Variants in ATG7 observed in about 807,000 individuals in gnomAD.
ATG7 encodes ubiquitin-like modifier-activating enzyme ATG7.
In ATG7, 70 loss-of-function variants were observed where a neutral mutation model predicts 82.4. That is an observed-to-expected ratio of 0.85 (90% CI 0.70 to 1.04). The LOEUF is 1.04. Among genes scored for constraint, ATG7 ranks in the 50% least tolerant of loss-of-function variants. The pLI is 0.00. For synonymous variants in ATG7, 287 were observed against 313.0 expected, an observed-to-expected ratio of 0.92 and a Z score of 0.88; for missense variants, 792 against 864.3, an observed-to-expected ratio of 0.92 and a Z score of 1.05.
intron 20 of ATG7, among the ~76,000 whole-genome samples, chr3:11,470,615 A>G (rs1576644516): frequency 6.6e-6 from 1 of 152,162 alleles, no homozygotes; most frequent in African/African-American, 2.4e-5. Flanking sequence ...CCTGAAGTAA[A>G]TGTCAGCATT....
At position 11,541,312 on chromosome 3, in the gene ATG7, A is replaced by G. The variant is rs566370447; in HGVS notation, c.2080-13499A>G. On this transcript the variant is annotated intron_variant, in intron 20 of 20. Transcript: ENST00000693202. ...TATGTGGTTATCTAATTGTTCCAGC[A>G]ATGTTTGTTGAAAAGATTGTCCTTT... Among the ~76,000 whole-genome samples, 248 of 152,324 alleles carry G rather than the reference A, an allele frequency of 1.6e-3. 3 individuals carry two copies. The highest frequency in any genetic ancestry group is 3.0e-3 in the Non-Finnish European group (207 of 68,038).
At chr3:11,403,266 G>A (rs1055761170) in intron 19 of ATG7, among the ~76,000 whole-genome samples, 7 of 151,998 alleles carry the variant, frequency 4.6e-5, no homozygotes, top group Admixed American at 1.3e-4. Flanking sequence ...TTTGGAGTGC[G>A]GAGAGGAAGT....
chr3:11,343,138 A>T (rs1451674333), intron 13 of ATG7, among the ~76,000 whole-genome samples: 2 of 152,150 alleles, frequency 1.3e-5, no homozygotes, highest in Admixed American at 6.5e-5. Flanking sequence ...CATGTTGTCC[A>T]GGCTGGTCTT....
chr3:11,531,883 A>AG (rs1286562287), intron 20 of ATG7, among the ~76,000 whole-genome samples: 5 of 151,922 alleles, frequency 3.3e-5, no homozygotes, highest in Non-Finnish European at 4.4e-5. Flanking sequence ...AAAAAAAAAA[A>AG]AAAAAGTCTA....
intron 11 of ATG7, among the ~76,000 whole-genome samples, chr3:11,336,226 G>T (rs1952461239): frequency 6.6e-6 from 1 of 151,706 alleles, no homozygotes; most frequent in Non-Finnish European, 1.5e-5. Context: ...GTAGAGACGG[G>T]GTTTCACCGT....
At chr3:11,297,209 T>G (rs545888681) in intron 3 of ATG7, among the ~76,000 whole-genome samples, 3 of 151,834 alleles carry the variant, frequency 2.0e-5, no homozygotes, top group African/African-American at 4.8e-5. Context: ...TACAGAAAAA[T>G]TAGCCAGTCA....
chr3:11,419,426 C>T (rs1229889801), intron 19 of ATG7, among the ~76,000 whole-genome samples: 3 of 152,010 alleles, frequency 2.0e-5, no homozygotes, highest in South Asian at 4.2e-4. Flanking sequence ...TGGTGGTGTG[C>T]GCCTGTAATC....
chr3:11,553,450 C>T (rs2072028182), intron 20 of ATG7, among the ~76,000 whole-genome samples: 1 of 152,180 alleles, frequency 6.6e-6, no homozygotes, highest in East Asian at 1.9e-4. Context: ...TCAGTTTCTT[C>T]CACTCGGACC....
chr3:11,334,281 G>T (rs1342315042), intron 11 of ATG7, among the ~76,000 whole-genome samples: 1 of 151,702 alleles, frequency 6.6e-6, no homozygotes, highest in Non-Finnish European at 1.5e-5. Flanking sequence ...GTCTAGCTTT[G>T]TCACCCAGGC....
chr3:11,382,850 C>T (rs2078015975), intron 19 of ATG7, among the ~76,000 whole-genome samples: 1 of 152,256 alleles, frequency 6.6e-6, no homozygotes, highest in East Asian at 1.9e-4. Flanking sequence ...ACAAGGAACT[C>T]CGGTATACAC....
chr3:11,496,851 ATTATTTTTTATTTTATT>A (rs1488566166), intron 20 of ATG7, among the ~76,000 whole-genome samples: 1 of 152,138 alleles, frequency 6.6e-6, no homozygotes, highest in East Asian at 1.9e-4. Flanking sequence ...ATGTCTTTTT[ATTATTTTTTATTTTATT>A]TTATTTTTTG....
chr3:11,459,024 C>CAT (rs2086039054), intron 20 of ATG7, among the ~76,000 whole-genome samples: 1 of 152,072 alleles, frequency 6.6e-6, no homozygotes. Context: ...TTCATCACCC[C>CAT]CCCATCTATG....
chr3:11,389,964 C>T (rs571333035), intron 19 of ATG7, among the ~76,000 whole-genome samples: 1 of 152,292 alleles, frequency 6.6e-6, no homozygotes, highest in South Asian at 2.1e-4. Context: ...TCTCTTAGTT[C>T]TCAGTTGTAC....
chr3:11,311,075 TCTTA>T (rs1948592099), intron 7 of ATG7, among the ~76,000 whole-genome samples: 1 of 152,188 alleles, frequency 6.6e-6, no homozygotes, highest in Non-Finnish European at 1.5e-5. Flanking sequence ...TAACATTAGC[TCTTA>T]CTTAAAGTTT....
intron 20 of ATG7, among the ~76,000 whole-genome samples, chr3:11,542,091 C>CAT (rs1295488886): frequency 6.6e-6 from 1 of 152,252 alleles, no homozygotes; most frequent in Non-Finnish European, 1.5e-5. Flanking sequence ...CACTGGACAG[C>CAT]ATACCCCGTT....
chr3:11,421,832 G>A (rs2081963462), intron 19 of ATG7, among the ~76,000 whole-genome samples: 1 of 152,194 alleles, frequency 6.6e-6, no homozygotes, highest in South Asian at 2.1e-4. Flanking sequence ...AAGGGCTGCA[G>A]AAATGGATAT....
chr3:11,535,560 G>A (rs989968766), intron 20 of ATG7, among the ~76,000 whole-genome samples: 2 of 152,168 alleles, frequency 1.3e-5, no homozygotes, highest in African/African-American at 2.4e-5. Context: ...TCTCAGGCCA[G>A]TGAACCGAGG....
intron 20 of ATG7, among the ~76,000 whole-genome samples, chr3:11,495,636 G>T (rs557713175): frequency 6.8e-6 from 1 of 147,516 alleles, no homozygotes; most frequent in Non-Finnish European, 1.5e-5. Context: ...ACCTATGGCC[G>T]TATTTGAGGT....
intron 20 of ATG7, among the ~76,000 whole-genome samples, chr3:11,551,214 G>T (rs2071745283): frequency 6.6e-6 from 1 of 152,154 alleles, no homozygotes; most frequent in Admixed American, 6.5e-5. Flanking sequence ...CTCCTCCTCG[G>T]GGGTTTCATG....
Sources: gnomAD v4.1 joint callset for allele counts (sites outside exome capture counted in the v4.1 genomes callset) on GRCh38, gnomAD v4.1.1 for gene constraint, MANE v1.5 for transcripts, NCBI Gene and HGNC (gene_info 2026-07-23, HGNC 2026-07-21) for gene names.